Variants in RALYL observed in about 807,000 individuals in gnomAD.
The protein encoded by RALYL is RNA-binding Raly-like protein.
In RALYL, 29 loss-of-function variants were observed where a neutral mutation model predicts 35.1. The ratio of observed to expected loss-of-function variants is 0.83; its 90% CI spans 0.61 to 1.13. The LOEUF (loss-of-function observed/expected upper bound fraction) is 1.13. Ranked by LOEUF, RALYL falls within the 50% of genes most tolerant of loss-of-function variation. The probability of loss-of-function intolerance (pLI) is 0.00; values close to 1 mark genes in which losing one functional copy is unlikely to be tolerated. For missense variants in RALYL, 359 were observed against 360.4 expected (o/e 1.00, Z 0.03); for synonymous variants, 120 against 127.6 (o/e 0.94, Z 0.40).
intron 2 of RALYL, among the ~76,000 whole-genome samples, chr8:84,715,962 T>G (rs1842897361): frequency 6.6e-6 from 1 of 152,152 alleles, no homozygotes; most frequent in Non-Finnish European, 1.5e-5. Flanking sequence ...TCCACATTTA[T>G]TTCCTTAGAC....
At chr8:84,542,544 A>T (rs958297683) in intron 2 of RALYL, among the ~76,000 whole-genome samples, 1 of 152,002 alleles carries the variant, frequency 6.6e-6, no homozygotes, top group Admixed American at 6.6e-5. Flanking sequence ...TTATGTTCTC[A>T]CAAGAACTGA....
chr8:84,837,042 C>T (rs1832162307), intron 4 of RALYL, among the ~76,000 whole-genome samples: 1 of 152,152 alleles, frequency 6.6e-6, no homozygotes, highest in Non-Finnish European at 1.5e-5. Flanking sequence ...TTGCAAGGTC[C>T]AGTTCAAATG....
chr8:84,638,644 G>A (rs545916540), intron 2 of RALYL, among the ~76,000 whole-genome samples: 1 of 151,410 alleles, frequency 6.6e-6, no homozygotes, highest in East Asian at 2.0e-4. Context: ...ATTTGCTGGA[G>A]CATTATGGTG....
intron 1 of RALYL, among the ~76,000 whole-genome samples, chr8:84,292,003 A>G (rs1838854221): frequency 6.6e-6 from 1 of 151,304 alleles, no homozygotes; most frequent in Non-Finnish European, 1.5e-5. Context: ...TATATGTGGA[A>G]CATACATATA....
intron 2 of RALYL, among the ~76,000 whole-genome samples, chr8:84,774,224 G>T (rs967372181): frequency 6.6e-6 from 1 of 151,996 alleles, no homozygotes; most frequent in South Asian, 2.1e-4. Flanking sequence ...GTCTTTTAGG[G>T]AAAAAAGAAA....
chr8:84,644,028 A>C (rs1349387372), intron 2 of RALYL, among the ~76,000 whole-genome samples: 1 of 152,012 alleles, frequency 6.6e-6, no homozygotes, highest in East Asian at 1.9e-4. Flanking sequence ...GGGACTTCTA[A>C]ATAAGCTGAT....
intron 1 of RALYL, among the ~76,000 whole-genome samples, chr8:84,453,287 A>T (rs2133230747): frequency 6.6e-6 from 1 of 152,062 alleles, no homozygotes; most frequent in South Asian, 2.1e-4. Context: ...CTATCTCAAG[A>T]GGTGCTTAAC....
At chr8:84,474,199 TA>T (rs1425840946) in intron 1 of RALYL, among the ~76,000 whole-genome samples, 4 of 152,110 alleles carry the variant, frequency 2.6e-5, no homozygotes, top group Non-Finnish European at 4.4e-5. Context: ...AGTAATGAAA[TA>T]AAGTGTTGAC....
chr8:84,485,024 G>C (rs1044057871), intron 1 of RALYL, among the ~76,000 whole-genome samples: 4 of 152,182 alleles, frequency 2.6e-5, no homozygotes, highest in African/African-American at 7.2e-5. Flanking sequence ...TTCCCCTACG[G>C]TACTTATACT....
intron 1 of RALYL, among the ~76,000 whole-genome samples, chr8:84,249,744 G>C (rs1217936547): frequency 7.2e-5 from 11 of 151,962 alleles, no homozygotes. Context: ...ATGTCTTAGA[G>C]AGTATATATT....
At chr8:84,187,293 A>G (rs376664108) in intron 1 of RALYL, among the ~76,000 whole-genome samples, 3 of 152,104 alleles carry the variant, frequency 2.0e-5, no homozygotes, top group Admixed American at 1.3e-4. Flanking sequence ...TTCAATGTCT[A>G]TCTCAGTCTT....
At chr8:84,823,315 T>C (rs1041424801) in intron 4 of RALYL, among the ~76,000 whole-genome samples, 4 of 152,142 alleles carry the variant, frequency 2.6e-5, no homozygotes, top group African/African-American at 9.7e-5. Context: ...GTGTCTATAA[T>C]ATAAGGCATT....
At chr8:84,331,719 A>G (rs77543319) in intron 1 of RALYL, among the ~76,000 whole-genome samples, 4,122 of 152,262 alleles carry the variant, frequency 0.027, 102 homozygotes, top group Non-Finnish European at 0.031. Context: ...CAGTGCATAA[A>G]GCAGGTCAGT....
chr8:84,594,873 A>G (rs1179600577), intron 2 of RALYL, among the ~76,000 whole-genome samples: 1 of 152,138 alleles, frequency 6.6e-6, no homozygotes, highest in Non-Finnish European at 1.5e-5. Context: ...CATTTAGAAA[A>G]TTGATCTTCC....
chr8:84,702,145 T>A (rs1840304404), intron 2 of RALYL, among the ~76,000 whole-genome samples: 1 of 152,138 alleles, frequency 6.6e-6, no homozygotes, highest in South Asian at 2.1e-4. Context: ...AGAAAAGACC[T>A]CAGCACCTAA....
chr8:84,451,267 T>C (rs1428883596), intron 1 of RALYL, among the ~76,000 whole-genome samples: 1 of 152,012 alleles, frequency 6.6e-6, no homozygotes, highest in Non-Finnish European at 1.5e-5. Context: ...TTGTCATCTT[T>C]CATAAACATT....
At chr8:84,382,155 C>T (rs1194949422) in intron 1 of RALYL, among the ~76,000 whole-genome samples, 3 of 148,848 alleles carry the variant, frequency 2.0e-5, no homozygotes, top group Non-Finnish European at 4.5e-5. Context: ...AAAAAATGAA[C>T]ACATGCTAGT....
chr8:84,466,839 A>G (rs1253507024), intron 1 of RALYL, among the ~76,000 whole-genome samples: 1 of 151,404 alleles, frequency 6.6e-6, no homozygotes, highest in Non-Finnish European at 1.5e-5. Context: ...TGGTCTATTC[A>G]GAGATTCAAC....
intron 1 of RALYL, among the ~76,000 whole-genome samples, chr8:84,353,103 C>T (rs1329503887): frequency 1.3e-5 from 2 of 149,986 alleles, no homozygotes; most frequent in East Asian, 3.9e-4. Flanking sequence ...AAATAATTTC[C>T]CAGATACAAT....
Sources: gnomAD v4.1 joint callset for allele counts (sites outside exome capture counted in the v4.1 genomes callset) on GRCh38, gnomAD v4.1.1 for gene constraint, MANE v1.5 for transcripts, NCBI Gene and HGNC (gene_info 2026-07-23, HGNC 2026-07-21) for gene names.